The following SCHIP1 variants were observed in gnomAD, a reference collection of about 807,000 sequenced individuals.
SCHIP1 encodes schwannomin interacting protein 1.
In SCHIP1, 8 loss-of-function variants were observed where a neutral mutation model predicts 29.7. The observed-to-expected ratio is 0.27, with a 90% CI of 0.16 to 0.49. The LOEUF is 0.49. Among genes scored for constraint, SCHIP1 ranks in the 20% least tolerant of loss-of-function variants. The pLI, the probability that SCHIP1 is intolerant of heterozygous loss-of-function variation, is 0.99. For missense variants in SCHIP1, 193 were observed against 294.6 expected (o/e 0.66, Z 2.52); for synonymous variants, 76 against 94.9 (o/e 0.80, Z 1.16).
At chr3:159,519,461 C>T in the SCHIP1 span, among the ~76,000 whole-genome samples, 2 of 152,228 alleles carry the variant, frequency 1.3e-5, no homozygotes, top group East Asian at 3.9e-4. Context: ...AGCCAGCTTA[C>T]TCTAAATGTC....
At chr3:159,641,429 G>C in the SCHIP1 span, among the ~76,000 whole-genome samples, 1 of 152,084 alleles carries the variant, frequency 6.6e-6, no homozygotes. Flanking sequence ...TTTCTCATTT[G>C]TTCCAAAGTT....
chr3:159,444,783 A>G, the SCHIP1 span, among the ~76,000 whole-genome samples: 1 of 152,180 alleles, frequency 6.6e-6, no homozygotes, highest in East Asian at 1.9e-4. Flanking sequence ...TGGCTTTCAC[A>G]CTCAGAAATG....
chr3:159,355,397 G>A, the SCHIP1 span, among the ~76,000 whole-genome samples: 1 of 152,094 alleles, frequency 6.6e-6, no homozygotes, highest in African/African-American at 2.4e-5. Flanking sequence ...CGCTGTTACT[G>A]TGTCAGAGCA....
At chr3:159,338,523 T>C in the SCHIP1 span, among the ~76,000 whole-genome samples, 1 of 151,992 alleles carries the variant, frequency 6.6e-6, no homozygotes, top group African/African-American at 2.4e-5. Context: ...TGATTTTGGG[T>C]TTTGTTCTAG....
At chr3:159,649,239 G>A in the SCHIP1 span, among the ~76,000 whole-genome samples, 2 of 152,104 alleles carry the variant, frequency 1.3e-5, no homozygotes, top group African/African-American at 2.4e-5. Flanking sequence ...GTCTCAGACT[G>A]CAGTCATTTC....
chr3:159,393,041 G>A, the SCHIP1 span, among the ~76,000 whole-genome samples: 63 of 152,018 alleles, frequency 4.1e-4, 1 homozygote, highest in South Asian at 1.7e-3. Context: ...TGTGGTTTTG[G>A]TTTGCATTTC....
the SCHIP1 span, among the ~76,000 whole-genome samples, chr3:159,643,243 C>T: frequency 6.6e-6 from 1 of 152,090 alleles, no homozygotes; most frequent in African/African-American, 2.4e-5. Context: ...AAGTACAATG[C>T]TGGCTGTTTC....
At chr3:159,887,996 G>A (rs1717125716) in intron 4 of SCHIP1, 91 bp downstream of exon 5, 1 of 1,522,824 alleles carries the variant, frequency 6.6e-7, no homozygotes, top group African/African-American at 1.4e-5. Context: ...ATGCAAACTT[G>A]TGTTTCTCTA....
chr3:159,524,298 A>G, the SCHIP1 span, among the ~76,000 whole-genome samples: 5 of 152,206 alleles, frequency 3.3e-5, no homozygotes, highest in African/African-American at 1.2e-4. Context: ...TAAAAAATGA[A>G]AAGTCTCTTC....
chr3:159,750,747 TG>T, the SCHIP1 span, among the ~76,000 whole-genome samples: 2 of 152,168 alleles, frequency 1.3e-5, no homozygotes, highest in East Asian at 3.9e-4. Flanking sequence ...CATTTGGTGA[TG>T]GGGCAGTGGG....
chr3:159,484,420 G>T, the SCHIP1 span, among the ~76,000 whole-genome samples: 1 of 152,092 alleles, frequency 6.6e-6, no homozygotes, highest in Non-Finnish European at 1.5e-5. Flanking sequence ...GATAATTATG[G>T]CCAGAGTTGA....
At chr3:159,540,681 T>A in the SCHIP1 span, among the ~76,000 whole-genome samples, 1 of 152,122 alleles carries the variant, frequency 6.6e-6, no homozygotes, top group African/African-American at 2.4e-5. Flanking sequence ...AGAGAATTTT[T>A]GCACTAACCT....
At chr3:159,885,851 C>T (rs181058714) in intron 2 of SCHIP1, among the ~76,000 whole-genome samples, 24 of 152,346 alleles carry the variant, frequency 1.6e-4, no homozygotes, top group Admixed American at 6.5e-4. Flanking sequence ...GATGACACCA[C>T]GCAGCCTTAT....
At chr3:159,486,956 C>T in the SCHIP1 span, among the ~76,000 whole-genome samples, 1 of 152,176 alleles carries the variant, frequency 6.6e-6, no homozygotes, top group South Asian at 2.1e-4. Context: ...TCTAGGAGCA[C>T]AAGAGAAGGG....
At chr3:159,643,267 A>G in the SCHIP1 span, among the ~76,000 whole-genome samples, 3 of 152,098 alleles carry the variant, frequency 2.0e-5, no homozygotes, top group Non-Finnish European at 2.9e-5. Flanking sequence ...AGAATTCTCA[A>G]TGAGGTAGAA....
the SCHIP1 span, among the ~76,000 whole-genome samples, chr3:159,594,443 G>C: frequency 6.6e-6 from 1 of 152,076 alleles, no homozygotes; most frequent in East Asian, 1.9e-4. Context: ...TGAAAATATT[G>C]GACTCAGTCC....
the SCHIP1 span, among the ~76,000 whole-genome samples, chr3:159,465,369 T>TAGAGAGAAAG: frequency 6.6e-6 from 1 of 150,438 alleles, no homozygotes; most frequent in South Asian, 2.1e-4. Flanking sequence ...GTGTGGAAAT[T>TAGAGAGAAAG]AGAGAGAAAG....
the SCHIP1 span, among the ~76,000 whole-genome samples, chr3:159,458,561 T>G: frequency 7.5e-6 from 1 of 132,674 alleles, no homozygotes; most frequent in Non-Finnish European, 1.6e-5. Context: ...TGAACTGACT[T>G]TTCTTTTTTT....
the SCHIP1 span, among the ~76,000 whole-genome samples, chr3:159,506,278 T>TGG: frequency 6.6e-6 from 1 of 152,242 alleles, no homozygotes; most frequent in Non-Finnish European, 1.5e-5. Context: ...ATTTGAGAAG[T>TGG]GTCTGTTCAT....
Sources: gnomAD v4.1 joint callset for allele counts (sites outside exome capture counted in the v4.1 genomes callset) on GRCh38, gnomAD v4.1.1 for gene constraint, MANE v1.5 for transcripts, NCBI Gene and HGNC (gene_info 2026-07-23, HGNC 2026-07-21) for gene names.